ZC3H12B: variants seen among roughly 807,000 people sequenced by gnomAD.
ZC3H12B encodes the protein probable ribonuclease ZC3H12B.
A neutral mutation model predicts 43.9 loss-of-function variants in ZC3H12B; 7 were observed. The observed-to-expected ratio is 0.16, with a 90% CI of 0.09 to 0.30. ZC3H12B has a LOEUF of 0.30. ZC3H12B is among the 10% of genes least tolerant of loss of function. ZC3H12B has a pLI of 1.00. For missense variants in ZC3H12B, 475 were observed against 670.2 expected, an observed-to-expected ratio of 0.71 and a Z score of 3.22; for synonymous variants, 222 against 241.7, an observed-to-expected ratio of 0.92 and a Z score of 0.76.
chrX:65,169,002 T>G, the ZC3H12B span, among the ~76,000 whole-genome samples: 1 of 111,565 alleles, frequency 9.0e-6, no homozygotes, highest in Non-Finnish European at 1.9e-5. Context: ...GAGTCATTGA[T>G]TTTTAAAGGG....
the ZC3H12B span, among the ~76,000 whole-genome samples, chrX:65,190,434 G>C: frequency 2.7e-5 from 3 of 111,092 alleles, no homozygotes; most frequent in African/African-American, 6.5e-5. Flanking sequence ...CCATGAGCAT[G>C]GAATGTTCTT....
chrX:65,065,132 C>T, the ZC3H12B span, among the ~76,000 whole-genome samples: 1 of 110,352 alleles, frequency 9.1e-6, no homozygotes, highest in Non-Finnish European at 1.9e-5. Flanking sequence ...GAGCATTTAG[C>T]CCATTTACTT....
chrX:65,406,582 C>CTGGGCGGGGA lies in ZC3H12B; in HGVS notation n.407+7887_407+7888insATGGGCGGGG, dbSNP rs1383589702. ...CGGGGCTGAACGGGGCTGGGCGGGG[C>CTGGGCGGGGA]TGGGCGGGGCTGGGCGGGGCTGGGC... On this transcript the variant is annotated intron_variant and non_coding_transcript_variant, in intron 3 of 5. Coordinates refer to the ZC3H12B transcript ENST00000617377. Among the ~76,000 whole-genome samples, 153 of 20,782 alleles carry CTGGGCGGGGA rather than the reference C, an allele frequency of 7.4e-3. 5 individuals carry two copies. The highest frequency in any genetic ancestry group is 0.054 in the African/African-American group (149 of 2,742). The allele number at this position is 20,782 out of a possible 115,157, so 18.0% of individuals were successfully genotyped here. A position where few individuals can be genotyped will look rare whatever the true frequency, so the allele number is the denominator to read the frequency against.
chrX:65,212,493 T>C, the ZC3H12B span, among the ~76,000 whole-genome samples: 4 of 69,111 alleles, frequency 5.8e-5, no homozygotes, highest in East Asian at 8.7e-4. Context: ...ATATATTATA[T>C]AATATACATA....
the ZC3H12B span, among the ~76,000 whole-genome samples, chrX:65,294,347 A>G: frequency 1.8e-5 from 2 of 112,127 alleles, no homozygotes; most frequent in Admixed American, 1.9e-4. Flanking sequence ...AAGAAGTGAT[A>G]AAAGGAGCTC....
the ZC3H12B span, among the ~76,000 whole-genome samples, chrX:65,154,477 A>C: frequency 1.8e-5 from 2 of 111,923 alleles, no homozygotes; most frequent in Non-Finnish European, 3.8e-5. Flanking sequence ...TTTGTCAATA[A>C]TTTGGGGGAT....
At chrX:65,091,434 T>A in the ZC3H12B span, among the ~76,000 whole-genome samples, 1 of 112,523 alleles carries the variant, frequency 8.9e-6, no homozygotes, top group East Asian at 2.8e-4. Flanking sequence ...CCACCAAGTT[T>A]ATGGTAATTT....
chrX:65,465,918 A>C (rs1381788344), intron 3 of ZC3H12B, among the ~76,000 whole-genome samples: 3 of 110,393 alleles, frequency 2.7e-5, no homozygotes, highest in Non-Finnish European at 5.7e-5. Flanking sequence ...ATATTCATAT[A>C]TATATGTACA....
rs138260780 is a variant in ZC3H12B, at chrX:65,493,986, T to C, written c.609-3146T>C. On this transcript the variant is annotated intron_variant, in intron 1 of 4. Coordinates refer to ENST00000338957, the Ensembl canonical transcript of ZC3H12B. Reference sequence around the variant, plus strand: ...TGTTGAAACTGCCTTCTGATTCTTATTGGGCATTTGGTGTGCCTCATGAAA... The same window carrying C: ...TGTTGAAACTGCCTTCTGATTCTTACTGGGCATTTGGTGTGCCTCATGAAA... Among the ~76,000 whole-genome samples, 205 of 111,547 alleles carry C rather than the reference T, an allele frequency of 1.8e-3. 6 individuals are homozygous for C. The East Asian group carries it at 0.048, about 26-fold the overall frequency.
chrX:65,456,563 C>T (rs1396329814), intron 3 of ZC3H12B, among the ~76,000 whole-genome samples: 5 of 105,778 alleles, frequency 4.7e-5, no homozygotes, highest in South Asian at 4.5e-4. Context: ...CTCAGCCTGC[C>T]GAGTGCCTGC....
At chrX:65,328,128 G>A in the ZC3H12B span, 1 of 240,688 alleles carries the variant, frequency 4.2e-6, no homozygotes, top group East Asian at 1.1e-4. Flanking sequence ...TCATCCAGCG[G>A]TGTCTAGGCC....
chrX:65,340,040 A>G, the ZC3H12B span, among the ~76,000 whole-genome samples: 1 of 111,844 alleles, frequency 8.9e-6, no homozygotes, highest in African/African-American at 3.3e-5. Context: ...AGAGCCCACC[A>G]GCACCCCAAA....
chrX:65,181,354 C>A, the ZC3H12B span, among the ~76,000 whole-genome samples: 1 of 111,609 alleles, frequency 9.0e-6, no homozygotes, highest in African/African-American at 3.3e-5. Flanking sequence ...GCAAAGACTT[C>A]ATGACTAAAA....
At chrX:65,067,159 C>T in the ZC3H12B span, among the ~76,000 whole-genome samples, 651 of 106,543 alleles carry the variant, frequency 6.1e-3, 6 homozygotes, top group African/African-American at 0.022. Flanking sequence ...TGTTCTGTCT[C>T]GCTGGGGTTC....
the ZC3H12B span, among the ~76,000 whole-genome samples, chrX:65,179,021 A>G: frequency 2.7e-5 from 3 of 112,417 alleles, no homozygotes; most frequent in Admixed American, 9.5e-5. Context: ...ATGCCCATCA[A>G]TGATAGACTG....
chrX:65,206,392 A>G, the ZC3H12B span, among the ~76,000 whole-genome samples: 1 of 112,028 alleles, frequency 8.9e-6, no homozygotes, highest in Admixed American at 9.5e-5. Flanking sequence ...TGACAAAGCA[A>G]CAAAAACATA....
the ZC3H12B span, among the ~76,000 whole-genome samples, chrX:65,242,143 C>G: frequency 1.8e-5 from 2 of 110,935 alleles, no homozygotes; most frequent in African/African-American, 6.6e-5. Flanking sequence ...GGTGGGCTAT[C>G]ACCCCACCCT....
At chrX:65,454,839 G>A (rs988709240) in intron 3 of ZC3H12B, among the ~76,000 whole-genome samples, 4 of 111,926 alleles carry the variant, frequency 3.6e-5, no homozygotes, top group Non-Finnish European at 5.6e-5. Flanking sequence ...CTGTTCTGCA[G>A]CCTCCACTGC....
the ZC3H12B span, among the ~76,000 whole-genome samples, chrX:65,184,579 CG>C: frequency 9.0e-6 from 1 of 111,390 alleles, no homozygotes. Context: ...TAAACAGTAA[CG>C]TGTAAATTGA....
Sources: gnomAD v4.1 joint callset for allele counts (sites outside exome capture counted in the v4.1 genomes callset) on GRCh38, gnomAD v4.1.1 for gene constraint, MANE v1.5 for transcripts, NCBI Gene and HGNC (gene_info 2026-07-23, HGNC 2026-07-21) for gene names.